C10orf67: variants seen among roughly 807,000 people sequenced by gnomAD.
C10orf67 encodes the protein chromosome 10 open reading frame 67, also known as uncharacterized protein C10orf67, mitochondrial.
Under a neutral mutation model 35.6 loss-of-function variants are expected in C10orf67, and 60 were observed. The observed-to-expected ratio is 1.68, with a 90% CI of 1.37 to 2.09. The LOEUF (loss-of-function observed/expected upper bound fraction) is 2.09, where lower values mean the gene tolerates loss of function less well. Ranked by LOEUF, C10orf67 falls within the 30% of genes most tolerant of loss-of-function variation. The pLI is 0.00. For missense variants in C10orf67, 474 were observed against 330.2 expected, an observed-to-expected ratio of 1.44 and a Z score of -3.38; for synonymous variants, 167 against 115.8, an observed-to-expected ratio of 1.44 and a Z score of -2.84.
intron 4 of C10orf67, among the ~76,000 whole-genome samples, chr10:23,315,853 C>T (rs964313698): frequency 1.3e-5 from 2 of 151,988 alleles, no homozygotes; most frequent in Non-Finnish European, 2.9e-5. Flanking sequence ...GGGTCATGCT[C>T]CGTCACTCAG....
chr10:23,284,370 A>T (rs1843465591), intron 7 of C10orf67, among the ~76,000 whole-genome samples: 1 of 150,316 alleles, frequency 6.7e-6, no homozygotes, highest in Non-Finnish European at 1.5e-5. Context: ...CAGCTCTTCC[A>T]CTCTTGCCTG....
At chr10:23,227,607 G>A (rs1841775946) in intron 13 of C10orf67, among the ~76,000 whole-genome samples, 1 of 152,122 alleles carries the variant, frequency 6.6e-6, no homozygotes, top group Middle Eastern at 3.2e-3. Context: ...GCAGGAGAAA[G>A]AAATAAATGA....
intron 12 of C10orf67, among the ~76,000 whole-genome samples, chr10:23,242,547 T>C (rs1399883339): frequency 1.3e-5 from 2 of 151,970 alleles, no homozygotes; most frequent in Non-Finnish European, 2.9e-5. Context: ...AAATGAATAC[T>C]GAGTATGCCA....
At chr10:23,238,885 T>A (rs1257911171) in intron 13 of C10orf67, among the ~76,000 whole-genome samples, 1 of 152,204 alleles carries the variant, frequency 6.6e-6, no homozygotes, top group Non-Finnish European at 1.5e-5. Flanking sequence ...AACTTAGTTA[T>A]AAACAGGAAT....
At chr10:23,300,210 G>A (rs1201526746) in intron 5 of C10orf67, among the ~76,000 whole-genome samples, 2 of 152,110 alleles carry the variant, frequency 1.3e-5, no homozygotes, top group African/African-American at 4.8e-5. Context: ...TTGACATAAG[G>A]GGCATGGATG....
chr10:23,265,166 T>C (rs975718011), intron 10 of C10orf67, among the ~76,000 whole-genome samples: 1 of 152,236 alleles, frequency 6.6e-6, no homozygotes, highest in Non-Finnish European at 1.5e-5. Context: ...ATGCTTTTTC[T>C]CTTCCCAGTA....
intron 4 of C10orf67, among the ~76,000 whole-genome samples, chr10:23,309,499 A>G (rs1344588268): frequency 1.3e-5 from 2 of 152,348 alleles, no homozygotes; most frequent in Non-Finnish European, 2.9e-5. Flanking sequence ...TATGCAATAT[A>G]CCCATGTAAC....
At chr10:23,343,581 A>T (rs1335349183) in intron 1 of C10orf67, among the ~76,000 whole-genome samples, 1 of 151,900 alleles carries the variant, frequency 6.6e-6, no homozygotes, top group Non-Finnish European at 1.5e-5. Flanking sequence ...AGCAGGCACT[A>T]CTCTTCATCA....
At chr10:23,289,310 T>C (rs1843642490) in intron 7 of C10orf67, among the ~76,000 whole-genome samples, 1 of 152,146 alleles carries the variant, frequency 6.6e-6, no homozygotes, top group Admixed American at 6.5e-5. Context: ...ACTACAGATA[T>C]GTGCCACCAC....
chr10:23,333,020 C>T, intron 2 of C10orf67, 42 bp downstream of exon 2: 3 of 1,591,294 alleles, frequency 1.9e-6, no homozygotes, highest in Non-Finnish European at 2.6e-6. Context: ...GCAATTAACG[C>T]CAAAAATTAT....
intron 10 of C10orf67, among the ~76,000 whole-genome samples, chr10:23,264,388 C>A (rs759631600): frequency 6.6e-6 from 1 of 152,138 alleles, no homozygotes; most frequent in African/African-American, 2.4e-5. Flanking sequence ...TCCCCTCCCC[C>A]GGTCCAATTT....
intron 12 of C10orf67, among the ~76,000 whole-genome samples, chr10:23,243,312 T>C (rs2132144503): frequency 6.6e-6 from 1 of 152,272 alleles, no homozygotes; most frequent in South Asian, 2.1e-4. Context: ...TTAATAAGTA[T>C]GTAAAAGATG....
chr10:23,253,147 T>G (rs1002794608), intron 10 of C10orf67, among the ~76,000 whole-genome samples: 19 of 152,168 alleles, frequency 1.2e-4, no homozygotes, highest in African/African-American at 4.6e-4. Context: ...TTCTTCCCAG[T>G]CTCAGGTATG....
At chr10:23,246,849 G>A (rs1379346123) in intron 12 of C10orf67, among the ~76,000 whole-genome samples, 1 of 152,160 alleles carries the variant, frequency 6.6e-6, no homozygotes, top group Non-Finnish European at 1.5e-5. Flanking sequence ...GTTTGAGACA[G>A]GGTCTCACTC....
At chr10:23,312,807 C>T (rs1844546912) in intron 4 of C10orf67, among the ~76,000 whole-genome samples, 1 of 152,116 alleles carries the variant, frequency 6.6e-6, no homozygotes, top group African/African-American at 2.4e-5. Context: ...AGGCAGATTA[C>T]CCTTCATACT....
At chr10:23,241,962 C>CT (rs1842191807) in intron 12 of C10orf67, among the ~76,000 whole-genome samples, 2 of 111,020 alleles carry the variant, frequency 1.8e-5, no homozygotes, top group Non-Finnish European at 1.9e-5. Context: ...AAAGAACTGA[C>CT]ATTTTTTTTT....
chr10:23,295,679 C>T (rs1052669975), intron 5 of C10orf67, among the ~76,000 whole-genome samples: 4 of 152,090 alleles, frequency 2.6e-5, no homozygotes, highest in Non-Finnish European at 4.4e-5. Context: ...ATGTCTTTGG[C>T]CAAGGCAGGA....
chr10:23,340,841 T>C (rs2132419529), intron 1 of C10orf67, among the ~76,000 whole-genome samples: 1 of 152,340 alleles, frequency 6.6e-6, no homozygotes, highest in Admixed American at 6.5e-5. Flanking sequence ...GGAAGATAAT[T>C]ATGTTTTTTA....
intron 15 of C10orf67, among the ~76,000 whole-genome samples, chr10:23,207,397 T>C (rs1046208164): frequency 6.6e-6 from 1 of 152,246 alleles, no homozygotes; most frequent in Non-Finnish European, 1.5e-5. Context: ...CAAAAACTTT[T>C]ATTTTTTGCC....
Sources: allele counts gnomAD v4.1 joint callset (sites outside exome capture counted in the v4.1 genomes callset), GRCh38; gene constraint gnomAD v4.1.1; transcripts MANE v1.5; gene names NCBI Gene and HGNC (gene_info 2026-07-23, HGNC 2026-07-21).